SORCS2: variants seen among roughly 807,000 people sequenced by gnomAD.
SORCS2 encodes VPS10 domain-containing receptor SorCS2.
In SORCS2, 100 loss-of-function variants were observed where a neutral mutation model predicts 141.6. The ratio of observed to expected loss-of-function variants is 0.71; its 90% confidence interval spans 0.60 to 0.83. The LOEUF is 0.83. Among genes scored for constraint, SORCS2 ranks in the 40% least tolerant of loss-of-function variants. SORCS2 has a pLI of 0.00. For synonymous variants in SORCS2, 789 were observed against 676.9 expected (o/e 1.17, Z -2.57); for missense variants, 1,646 against 1,560.2 (o/e 1.05, Z -0.93).
intron 3 of SORCS2, among the ~76,000 whole-genome samples, chr4:7,578,331 G>A (rs1715908767): frequency 6.6e-6 from 1 of 152,164 alleles, no homozygotes; most frequent in Non-Finnish European, 1.5e-5. Context: ...ATTACCCGGT[G>A]TCAGATATTC....
intron 1 of SORCS2, among the ~76,000 whole-genome samples, chr4:7,353,945 G>A (rs1269238357): frequency 6.6e-6 from 1 of 152,156 alleles, no homozygotes. Context: ...CAGCTTCCCG[G>A]CAAGAAGCCC....
At chr4:7,683,027 G>A in intron 10 of SORCS2, 138 bp downstream of exon 10, 1 of 1,104,170 alleles carries the variant, frequency 9.1e-7, no homozygotes, top group Non-Finnish European at 1.3e-6. Flanking sequence ...TGCTGGGTGT[G>A]GTAGAGAGGG....
chr4:7,289,819 C>T (rs547241062), intron 1 of SORCS2, among the ~76,000 whole-genome samples: 7 of 152,336 alleles, frequency 4.6e-5, no homozygotes, highest in Non-Finnish European at 7.3e-5. Context: ...AGACGGCGCT[C>T]GGCTTGCGGC....
In SORCS2 at chr4:7,286,932, G is replaced by A. The variant is rs1183062570; in HGVS notation, c.480+93806G>A. 2.0e-5 allele frequency among the ~76,000 whole-genome samples: 3 copies of A among 152,196 alleles called. No homozygotes were observed. The highest frequency in any genetic ancestry group is 4.4e-5 in the Non-Finnish European group (3 of 68,034). On this transcript the variant is annotated intron_variant, in intron 1 of 26. Transcript: ENST00000507866. This position sits in a 1 kb window ranked among gnomAD's most constrained non-coding sequence, Gnocchi z 4.1. ...AGTGAGGAGACACAAGTCAGCAGAG[G>A]CAGAGAGAGGGACCAGGGCCACTGG...
At chr4:7,248,721 A>G (rs1713293002) in intron 1 of SORCS2, among the ~76,000 whole-genome samples, 1 of 152,210 alleles carries the variant, frequency 6.6e-6, no homozygotes, top group Non-Finnish European at 1.5e-5. Context: ...AGTAATTATA[A>G]TATTTGAAGC....
chr4:7,294,281 T>G (rs1716804228), intron 1 of SORCS2, among the ~76,000 whole-genome samples: 1 of 151,982 alleles, frequency 6.6e-6, no homozygotes, highest in Admixed American at 6.6e-5. Flanking sequence ...TAATAGAGGG[T>G]AAAACTGGGG....
chr4:7,273,518 A>C (rs975498303), intron 1 of SORCS2, among the ~76,000 whole-genome samples: 3 of 152,112 alleles, frequency 2.0e-5, no homozygotes, highest in African/African-American at 7.2e-5. Flanking sequence ...AGAGAGACTC[A>C]GGTGTGCCCA....
chr4:7,324,442 G>T (rs144723891), intron 1 of SORCS2, among the ~76,000 whole-genome samples: 1 of 152,344 alleles, frequency 6.6e-6, no homozygotes, highest in Non-Finnish European at 1.5e-5. Flanking sequence ...GGAAGGGACC[G>T]TCTGCCGGCG....
At chr4:7,283,293 G>C (rs984580731) in intron 1 of SORCS2, among the ~76,000 whole-genome samples, 4 of 152,202 alleles carry the variant, frequency 2.6e-5, no homozygotes, top group Non-Finnish European at 5.9e-5. Flanking sequence ...GGAGAGGGTC[G>C]AGGAGAGAAT....
chr4:7,348,457 C>T (rs866183068), intron 1 of SORCS2, among the ~76,000 whole-genome samples: 1 of 152,188 alleles, frequency 6.6e-6, no homozygotes, highest in African/African-American at 2.4e-5. Context: ...TGTCATCAGC[C>T]TCCACTTTAT....
intron 14 of SORCS2, among the ~76,000 whole-genome samples, chr4:7,708,504 C>T (rs1725619153): frequency 6.6e-6 from 1 of 152,148 alleles, no homozygotes; most frequent in South Asian, 2.1e-4. Flanking sequence ...TCCGTGTGTT[C>T]TCGATGGCAT....
intron 1 of SORCS2, among the ~76,000 whole-genome samples, chr4:7,294,666 TCC>T (rs869281952): frequency 1.5e-5 from 1 of 66,898 alleles, no homozygotes; most frequent in Admixed American, 1.3e-4. Context: ...CCTCTTCCTC[TCC>T]CTCCTCCTCC....
intron 1 of SORCS2, among the ~76,000 whole-genome samples, chr4:7,349,733 C>T (rs1431720387): frequency 1.3e-5 from 2 of 152,168 alleles, no homozygotes; most frequent in African/African-American, 2.4e-5. Context: ...CCAGGCCTGG[C>T]CTTTTGTTGG....
chr4:7,551,817 G>A (rs1354924301), intron 3 of SORCS2, among the ~76,000 whole-genome samples: 1 of 152,224 alleles, frequency 6.6e-6, no homozygotes, highest in African/African-American at 2.4e-5. Context: ...TGCCTCCTGG[G>A]CTGGGTCCCA....
At chr4:7,639,292 G>A (rs576244497) in intron 4 of SORCS2, among the ~76,000 whole-genome samples, 1 of 152,366 alleles carries the variant, frequency 6.6e-6, no homozygotes, top group Admixed American at 6.5e-5. Context: ...GCTCTAGGGA[G>A]GAGTCCAACC....
At chr4:7,404,729 A>G (rs1012582828) in intron 2 of SORCS2, among the ~76,000 whole-genome samples, 7 of 152,028 alleles carry the variant, frequency 4.6e-5, no homozygotes, top group Non-Finnish European at 8.8e-5. Context: ...GAGTTGTTTG[A>G]GTTCCTTATA....
chr4:7,377,199 G>A (rs1005988026), intron 1 of SORCS2, among the ~76,000 whole-genome samples: 1 of 151,972 alleles, frequency 6.6e-6, no homozygotes, highest in Non-Finnish European at 1.5e-5. Context: ...TTGTATCGTT[G>A]ATTGAATGAA....
intron 2 of SORCS2, among the ~76,000 whole-genome samples, chr4:7,473,281 G>A (rs1358562730): frequency 6.6e-6 from 1 of 152,112 alleles, no homozygotes; most frequent in Admixed American, 6.5e-5. Flanking sequence ...GCCCATGCGG[G>A]AGGGGCTGAG....
chr4:7,486,374 C>A (rs567440766), intron 2 of SORCS2, among the ~76,000 whole-genome samples: 1 of 40,000 alleles, frequency 2.5e-5, no homozygotes, highest in Non-Finnish European at 5.9e-5. Flanking sequence ...GAGGGGTCTT[C>A]CAGCCTCCAC....
Sources: allele counts gnomAD v4.1 joint callset (sites outside exome capture counted in the v4.1 genomes callset), GRCh38; gene constraint gnomAD v4.1.1; non-coding constraint Gnocchi (gnomAD v3.1); transcripts MANE v1.5; gene names NCBI Gene and HGNC (gene_info 2026-07-23, HGNC 2026-07-21).